The following ADAMTS9 variants were observed in gnomAD, a reference collection of about 807,000 sequenced individuals.
ADAMTS9 encodes the protein A disintegrin and metalloproteinase with thrombospondin motifs 9.
In ADAMTS9, 107 loss-of-function variants were observed where a neutral mutation model predicts 257.1. The observed-to-expected ratio is 0.42, with a 90% confidence interval of 0.36 to 0.49. The LOEUF (loss-of-function observed/expected upper bound fraction) is 0.49. Ranked by LOEUF, ADAMTS9 falls within the 20% of genes least tolerant of loss-of-function variation. The pLI, the probability that ADAMTS9 is intolerant of heterozygous loss-of-function variation, is 0.03. For synonymous variants in ADAMTS9, 982 were observed against 880.9 expected (o/e 1.11, Z -2.03); for missense variants, 2,353 against 2,469.1 (o/e 0.95, Z 1.00).
chr3:64,673,437 G>A (rs559767280), intron 3 of ADAMTS9, among the ~76,000 whole-genome samples: 22 of 152,122 alleles, frequency 1.4e-4, no homozygotes, highest in Non-Finnish European at 2.8e-4. Flanking sequence ...AAGAGTAGGG[G>A]CAATGGAAGG....
Position 64,648,055 on chromosome 3 carries a change from C to G in ADAMTS9, c.1606-11G>C. 6.3e-7 allele frequency: 1 copy of G among 1,599,790 alleles called. No individual in the cohort carries two copies. On this transcript the variant is annotated splice_polypyrimidine_tract_variant and intron_variant, in intron 10 of 39. Transcript: ENST00000498707. ...CCGTCTGCACTGCATCTGCTCAATT[C>G]AATGAAATGGCAATTGAGTGACAAG... is the stretch of plus-strand genomic sequence containing the variant.
intron 8 of ADAMTS9, 88 bp downstream of exon 8, chr3:64,654,265 T>C (rs1433742002): frequency 3.0e-6 from 4 of 1,330,142 alleles, no homozygotes; most frequent in Non-Finnish European, 4.2e-6. Flanking sequence ...TCTTACACAC[T>C]CGAAAGTCAA....
chr3:64,586,212 C>T (rs557754255), intron 28 of ADAMTS9, among the ~76,000 whole-genome samples: 9 of 151,996 alleles, frequency 5.9e-5, no homozygotes, highest in Non-Finnish European at 1.0e-4. Context: ...TTAAGTTAGA[C>T]AAACGTGGGT....
At chr3:64,636,170 ATTAT>A (rs1355940699) in intron 12 of ADAMTS9, among the ~76,000 whole-genome samples, 1 of 152,156 alleles carries the variant, frequency 6.6e-6, no homozygotes, top group Admixed American at 6.5e-5. Context: ...GCAAATAGTT[ATTAT>A]TTATAGGTGG....
Position 64,647,961 on chromosome 3 carries a change from C to T in ADAMTS9, c.1689G>A (p.Gly563=), listed in dbSNP as rs1700837969. Residue 563 remains glycine, a synonymous_variant, in exon 11 of 40, where the codon GGG becomes GGA. Transcript: ENST00000498707. Reference sequence around the variant, plus strand: ...TTGCCTTTCCAGGCTCGCACTCCGTCCCATCGGCCCAGGGTGTGTGCTGAG... The same window carrying T: ...TTGCCTTTCCAGGCTCGCACTCCGTTCCATCGGCCCAGGGTGTGTGCTGAG... ...CRTQHTPWAD[G]TECEPGKHCK... is the part of the protein sequence containing the mutation. The T allele has an allele frequency of 1.2e-6, 2 of 1,613,776 alleles. No homozygotes were observed. Among genetic ancestry groups the T allele is most frequent in the African/African-American group, 1.3e-5 (1 of 74,928 alleles).
At chr3:64,685,896 AC>A (rs1170020493) in intron 2 of ADAMTS9, among the ~76,000 whole-genome samples, 1 of 151,478 alleles carries the variant, frequency 6.6e-6, no homozygotes, top group African/African-American at 2.4e-5. Context: ...ACTGCGCTGC[AC>A]CCCCACTCTC....
At chr3:64,592,362 CCT>C (rs2084278998) in intron 28 of ADAMTS9, 1 of 152,154 alleles carries the variant, frequency 6.6e-6, no homozygotes. Context: ...TCTCTTTCTT[CCT>C]CTGTTTCAGA....
chr3:64,585,700 A>G (rs1002246367), intron 28 of ADAMTS9, among the ~76,000 whole-genome samples: 3 of 152,142 alleles, frequency 2.0e-5, no homozygotes, highest in Non-Finnish European at 4.4e-5. Flanking sequence ...GACTATCTAT[A>G]TATCTACTAA....
chr3:64,582,040 C>T (rs954408223), intron 28 of ADAMTS9, among the ~76,000 whole-genome samples: 1 of 152,064 alleles, frequency 6.6e-6, no homozygotes, highest in African/African-American at 2.4e-5. Flanking sequence ...ATTGATTTTC[C>T]TTCTGGGACC....
At chr3:64,551,135 C>T (rs2083266220) in intron 30 of ADAMTS9, 73 bp from the exon 31 acceptor site, 2 of 1,506,352 alleles carry the variant, frequency 1.3e-6, no homozygotes, top group African/African-American at 1.4e-5. Flanking sequence ...ATGTGTTTAC[C>T]TGTCTACATA....
intron 30 of ADAMTS9, among the ~76,000 whole-genome samples, chr3:64,553,104 G>C (rs2083290753): frequency 6.6e-6 from 1 of 151,770 alleles, no homozygotes; most frequent in African/African-American, 2.4e-5. Context: ...AGAATTCAGT[G>C]GCCTTTAGGA....
intron 3 of ADAMTS9, among the ~76,000 whole-genome samples, chr3:64,661,639 T>C (rs976623406): frequency 6.6e-6 from 1 of 152,188 alleles, no homozygotes; most frequent in Admixed American, 6.5e-5. Flanking sequence ...AATGAGCTCA[T>C]GATTTGGTGA....
chr3:64,676,203 A>G (rs1362690987), intron 3 of ADAMTS9, among the ~76,000 whole-genome samples: 1 of 152,178 alleles, frequency 6.6e-6, no homozygotes, highest in African/African-American at 2.4e-5. Context: ...AAGAAAATAA[A>G]GGACCGATAA....
At chr3:64,675,405 C>G (rs1470526870) in intron 3 of ADAMTS9, among the ~76,000 whole-genome samples, 1 of 152,042 alleles carries the variant, frequency 6.6e-6, no homozygotes, top group Non-Finnish European at 1.5e-5. Flanking sequence ...GGTTTGTAGG[C>G]CAGGCATGAT....
chr3:64,607,888 G>A (rs1319633864), intron 22 of ADAMTS9, among the ~76,000 whole-genome samples: 1 of 152,054 alleles, frequency 6.6e-6, no homozygotes, highest in Non-Finnish European at 1.5e-5. Flanking sequence ...GAGACCATAC[G>A]TTAGGCTGCA....
intron 22 of ADAMTS9, among the ~76,000 whole-genome samples, chr3:64,611,431 G>A (rs555739841): frequency 1.3e-5 from 2 of 152,286 alleles, no homozygotes; most frequent in East Asian, 3.9e-4. Context: ...TCCAGAATAC[G>A]TAAATCCATA....
rs757525085 is a variant in ADAMTS9, at chr3:64,546,773, A to G, written c.5049T>C (p.Val1683=). Residue 1683 remains valine (V), a synonymous_variant, in exon 32 of 40, where the codon GTT becomes GTC. Coordinates refer to ENST00000498707, the MANE Select transcript of ADAMTS9 (RefSeq NM_182920.2). ...RDCPVSATWR[V]GNWGSCSVSC... ...TTCTACTTACGCTCCCCCAGTTGCC[A>G]ACTCTCCAGGTGGCCGAGACAGGGC... 30 of 1,604,750 alleles carry G rather than the reference A, an allele frequency of 1.9e-5. No individual in the cohort carries two copies. Among genetic ancestry groups the G allele is most frequent in the Non-Finnish European group, 2.5e-5 (29 of 1,175,978 alleles).
intron 9 of ADAMTS9, chr3:64,650,511 GA>G: frequency 6.5e-6 from 1 of 154,182 alleles, no homozygotes; most frequent in Non-Finnish European, 1.4e-5. Flanking sequence ...GGAAAAAAGA[GA>G]AAAGGGAGAG....
intron 31 of ADAMTS9, among the ~76,000 whole-genome samples, chr3:64,548,595 G>GT (rs1289888715): frequency 3.8e-5 from 3 of 78,284 alleles, no homozygotes; most frequent in Non-Finnish European, 1.6e-4. Context: ...GGCTATTTAT[G>GT]TGGGGGGGAG....
Sources: gnomAD v4.1 joint callset for allele counts (sites outside exome capture counted in the v4.1 genomes callset) on GRCh38, gnomAD v4.1.1 for gene constraint, MANE v1.5 for transcripts, NCBI Gene and HGNC (gene_info 2026-07-23, HGNC 2026-07-21) for gene names.